Variants in ERP44 observed in about 807,000 individuals in gnomAD.
The protein encoded by ERP44 is endoplasmic reticulum resident protein 44.
In ERP44, 25 loss-of-function variants were observed where a neutral mutation model predicts 53.4. That is an observed-to-expected ratio of 0.47 (90% confidence interval 0.34 to 0.65). The LOEUF (loss-of-function observed/expected upper bound fraction) is 0.65. Among genes scored for constraint, ERP44 ranks in the 30% least tolerant of loss-of-function variants. ERP44 has a pLI of 0.01. For missense variants in ERP44, 338 were observed against 493.2 expected (o/e 0.69, Z 2.98); for synonymous variants, 145 against 161.2 (o/e 0.90, Z 0.76).
At chr9:100,058,168 T>C (rs1329311975) in intron 2 of ERP44, among the ~76,000 whole-genome samples, 1 of 152,156 alleles carries the variant, frequency 6.6e-6, no homozygotes, top group African/African-American at 2.4e-5. Context: ...CTCAAACTCC[T>C]GGGTTGACGT....
intron 8 of ERP44, among the ~76,000 whole-genome samples, chr9:100,014,943 T>C (rs1322912112): frequency 6.6e-6 from 1 of 152,214 alleles, no homozygotes; most frequent in Non-Finnish European, 1.5e-5. Flanking sequence ...GCCAGCATGG[T>C]CAGTTCTAGT....
intron 10 of ERP44, among the ~76,000 whole-genome samples, chr9:100,000,208 G>C (rs548112803): frequency 6.6e-6 from 1 of 151,968 alleles, no homozygotes; most frequent in African/African-American, 2.4e-5. Context: ...TAAGTGGGAG[G>C]ATCACTTCAG....
chr9:100,065,858 C>T (rs1826205122), intron 1 of ERP44, among the ~76,000 whole-genome samples: 1 of 152,166 alleles, frequency 6.6e-6, no homozygotes, highest in Non-Finnish European at 1.5e-5. Flanking sequence ...TTCATAGACG[C>T]ATTAGCTAGG....
chr9:100,020,850 C>T, intron 5 of ERP44, 119 bp from the exon 6 acceptor site: 2 of 568,232 alleles, frequency 3.5e-6, no homozygotes, highest in Non-Finnish European at 6.2e-6. Context: ...TGAAGTATGA[C>T]TATAAATGCA....
Position 99,999,111 on chromosome 9 carries a change from C to T in ERP44, c.1016+7395G>A, listed in dbSNP as rs532277801. On this transcript the variant is annotated intron_variant, in intron 10 of 11. Transcript: ENST00000262455. Reference sequence around the variant, plus strand: ...CGTTCCCACAGCGGCGGGGCGTGGACACGGCGCACCTGAGGCACAGTGTAC... The same window carrying T: ...CGTTCCCACAGCGGCGGGGCGTGGATACGGCGCACCTGAGGCACAGTGTAC... The T allele has an allele frequency of 3.6e-4, 229 of 636,886 alleles. 2 individuals are homozygous for T. The East Asian group carries it at 6.2e-3, about 17-fold the overall frequency. The allele number at this position is 636,886 out of a possible 1,614,324, so 39.5% of individuals were successfully genotyped here. A position where few individuals can be genotyped will look rare whatever the true frequency, so the allele number is the denominator to read the frequency against.
intron 4 of ERP44, among the ~76,000 whole-genome samples, chr9:100,030,450 C>A (rs866068003): frequency 6.6e-6 from 1 of 151,958 alleles, no homozygotes; most frequent in South Asian, 2.1e-4. Context: ...TAGAGTGTCT[C>A]CTAAAAAAGA....
intron 1 of ERP44, among the ~76,000 whole-genome samples, chr9:100,095,440 G>C (rs193020507): frequency 1.3e-5 from 2 of 152,112 alleles, no homozygotes; most frequent in Admixed American, 1.3e-4. Flanking sequence ...GAACAATGCT[G>C]TTTATTTTTT....
intron 4 of ERP44, among the ~76,000 whole-genome samples, chr9:100,046,355 A>T (rs901751889): frequency 6.6e-6 from 1 of 152,196 alleles, no homozygotes; most frequent in Non-Finnish European, 1.5e-5. Context: ...TGGAAGAGGG[A>T]TAAAATCCAA....
chr9:100,079,387 T>G (rs1362195181), intron 1 of ERP44, among the ~76,000 whole-genome samples: 5 of 148,590 alleles, frequency 3.4e-5, no homozygotes, highest in Non-Finnish European at 5.9e-5. Flanking sequence ...ATTGTGTGAG[T>G]TAATGCTCCT....
chr9:99,990,358 T>C (rs1039139629), intron 10 of ERP44, among the ~76,000 whole-genome samples: 1 of 152,152 alleles, frequency 6.6e-6, no homozygotes, highest in Non-Finnish European at 1.5e-5. Flanking sequence ...GGGGCCAATA[T>C]TCAACATTCT....
intron 4 of ERP44, among the ~76,000 whole-genome samples, chr9:100,032,871 G>A (rs1435451386): frequency 1.3e-5 from 2 of 152,222 alleles, no homozygotes; most frequent in Admixed American, 6.5e-5. Context: ...CTCATGGAGA[G>A]CTGAAATGTT....
At chr9:99,992,817 A>T (rs1390972840) in intron 10 of ERP44, among the ~76,000 whole-genome samples, 1 of 152,244 alleles carries the variant, frequency 6.6e-6, no homozygotes, top group Non-Finnish European at 1.5e-5. Flanking sequence ...ACTTCAGCAA[A>T]GTCTTGGGAT....
chr9:100,020,672 A>G lies in ERP44; in HGVS notation c.531T>C (p.Val177=). 7 of 1,611,736 alleles carry G rather than the reference A, an allele frequency of 4.3e-6. No homozygotes were observed. Among genetic ancestry groups the G allele is most frequent in the Non-Finnish European group, 5.9e-6 (7 of 1,178,256 alleles). The change falls in exon 6 of 12, where the codon GTT becomes GTC. Residue 177 remains valine (V), a synonymous_variant. Transcript: ENST00000262455. The stretch of plus-strand genomic sequence containing the variant: ...GCAAAATATTCGCTACTCGTTCAAA[A>G]ACTCTATAGTTGTCCGAGTCCTTTT... ...FEQKDSDNYR[V]FERVANILHD...
intron 1 of ERP44, among the ~76,000 whole-genome samples, chr9:100,086,807 C>G (rs1826489791): frequency 6.6e-6 from 1 of 152,132 alleles, no homozygotes; most frequent in Non-Finnish European, 1.5e-5. Flanking sequence ...CATAATTGAT[C>G]AACTCTCCCT....
intron 8 of ERP44, among the ~76,000 whole-genome samples, chr9:100,014,534 C>A (rs1830510313): frequency 6.6e-6 from 1 of 152,194 alleles, no homozygotes; most frequent in African/African-American, 2.4e-5. Flanking sequence ...GGTGACCCAC[C>A]CACCTTGGCC....
chr9:99,991,843 C>G (rs904532465), intron 10 of ERP44, among the ~76,000 whole-genome samples: 1 of 151,856 alleles, frequency 6.6e-6, no homozygotes, highest in Admixed American at 6.6e-5. Context: ...ATATCACCAC[C>G]GATCCCACAG....
intron 1 of ERP44, 37 bp downstream of exon 1, chr9:100,098,747 G>A (rs369245918): frequency 2.5e-6 from 4 of 1,581,432 alleles, no homozygotes; most frequent in Non-Finnish European, 3.5e-6. Flanking sequence ...GAGGCCGTTC[G>A]TGCGTTTGTC....
chr9:100,033,584 T>C (rs1025244788), intron 4 of ERP44, among the ~76,000 whole-genome samples: 2 of 152,200 alleles, frequency 1.3e-5, no homozygotes, highest in African/African-American at 4.8e-5. Context: ...TTTATACAAA[T>C]AACTAGGCCA....
At chr9:100,059,404 G>A (rs921470925) in intron 2 of ERP44, among the ~76,000 whole-genome samples, 3 of 152,040 alleles carry the variant, frequency 2.0e-5, no homozygotes, top group Non-Finnish European at 4.4e-5. Context: ...AAACTTATTA[G>A]GCCAAGTGTG....
Sources: allele counts gnomAD v4.1 joint callset (sites outside exome capture counted in the v4.1 genomes callset), GRCh38; gene constraint gnomAD v4.1.1; transcripts MANE v1.5; gene names NCBI Gene and HGNC (gene_info 2026-07-23, HGNC 2026-07-21).